CHRNA10: variants seen among roughly 807,000 people sequenced by gnomAD.
CHRNA10 encodes neuronal acetylcholine receptor subunit alpha-10.
A neutral mutation model predicts 36.0 loss-of-function variants in CHRNA10; 31 were observed. That is an observed-to-expected ratio of 0.86 (90% CI 0.65 to 1.16). The LOEUF is 1.16. Ranked by LOEUF, CHRNA10 falls within the 50% of genes most tolerant of loss-of-function variation. The probability of loss-of-function intolerance (pLI) is 0.00; values close to 1 mark genes in which losing one functional copy is unlikely to be tolerated. For synonymous variants in CHRNA10, 302 were observed against 287.0 expected, an observed-to-expected ratio of 1.05 and a Z score of -0.53; for missense variants, 648 against 640.9, an observed-to-expected ratio of 1.01 and a Z score of -0.12.
chr11:3,666,573 G>A lies in CHRNA10; in HGVS notation c.896-9C>T, dbSNP rs1344935388. 6.6e-7 allele frequency: 1 copy of A among 1,516,726 alleles called. No individual in the cohort carries two copies. The highest frequency in any genetic ancestry group is 2.2e-5 in the Admixed American group (1 of 45,092). The allele number at this position is 1,516,726 out of a possible 1,614,324, so 94.0% of individuals were successfully genotyped here. A position where few individuals can be genotyped will look rare whatever the true frequency, so the allele number is the denominator to read the frequency against. Reference sequence around the variant, plus strand: ...GGCCATGTAGTACTTCCCTGCAAGAGAGAGAGAAAGCCAATTGACTCAAAA... The same window carrying A: ...GGCCATGTAGTACTTCCCTGCAAGAAAGAGAGAAAGCCAATTGACTCAAAA... On this transcript the variant is annotated splice_polypyrimidine_tract_variant and intron_variant, in intron 4 of 4. Transcript: ENST00000250699.
chr11:3,669,994 C>T, intron 1 of CHRNA10, 53 bp from the exon 2 acceptor site: 2 of 1,594,084 alleles, frequency 1.3e-6, no homozygotes, highest in Admixed American at 1.7e-5. Flanking sequence ...CCCAGGGCCT[C>T]TGCTCACACC....
Position 3,671,287 on chromosome 11 carries a change from C to T in CHRNA10, c.26G>A (p.Ser9Asn), listed in dbSNP as rs377388068. The change falls in exon 1 of 5, where the codon AGC (serine) becomes AAC (asparagine). Residue 9 changes from serine (S) to asparagine (N), a missense_variant. Coordinates refer to ENST00000250699, the MANE Select transcript of CHRNA10 (RefSeq NM_020402.4). The stretch of plus-strand genomic sequence containing the variant: ...TAGAAACAGAAGCAGAAGGCCCAGG[C>T]TGAGGTGGTGGCTCCGGAGCCCCAT... The part of the protein sequence containing the change: MGLRSHHL[S>N]LGLLLLFLLP... 1 of 1,614,162 alleles carries T rather than the reference C, an allele frequency of 6.2e-7. No homozygotes were observed. Among genetic ancestry groups the T allele is most frequent in the Non-Finnish European group, 8.5e-7 (1 of 1,179,994 alleles).
intron 1 of CHRNA10, 25 bp downstream of exon 1, chr11:3,671,227 A>G: frequency 1.2e-6 from 2 of 1,611,320 alleles, no homozygotes; most frequent in Non-Finnish European, 8.5e-7. Context: ...AGGAGAGGCC[A>G]GGGCTGGTGT....
Position 3,666,110 on chromosome 11 carries a change from C to T in CHRNA10, c.1350G>A (p.Leu450=), listed in dbSNP as rs1179894394. The T allele has an allele frequency of 5.8e-6, 9 of 1,538,838 alleles. No individual in the cohort carries two copies. The Admixed American group carries it at 6.2e-5, about 11-fold the overall frequency. The change falls in exon 5 of 5, where the codon CTG becomes CTA. Residue 450 remains leucine, a synonymous_variant. Transcript: ENST00000250699. Reference sequence around the variant, plus strand: ...CCCTGTGACTTAGTCCCAGCCCTCACAGGGCCTGCACCAGCACCAGGAGGC... The same window carrying T: ...CCCTGTGACTTAGTCCCAGCCCTCATAGGGCCTGCACCAGCACCAGGAGGC... The part of the protein sequence containing the change: ...VMSLLVLVQA[L]
chr11:3,666,458 G>T lies in CHRNA10; in HGVS notation c.1002C>A (p.Ala334=), dbSNP rs2077662220. ...YCGPSVRPVP[A]WARALLLGHL... ...GTCCCAGCAGGAGGGCCCTAGCCCA[G>T]GCTGGCACTGGGCGGACACTGGGAC... The change falls in exon 5 of 5, where the codon GCC becomes GCA. Residue 334 remains alanine (A), a synonymous_variant. Coordinates refer to ENST00000250699, the MANE Select transcript of CHRNA10 (RefSeq NM_020402.4). The T allele has an allele frequency of 6.2e-7, 1 of 1,613,540 alleles. No individual in the cohort carries two copies. The highest frequency in any genetic ancestry group is 1.7e-5 in the Admixed American group (1 of 59,944).
In CHRNA10 at chr11:3,667,513, A is replaced by T. The variant is rs201153030; in HGVS notation, c.614T>A (p.Leu205Gln). 1.3e-6 allele frequency: 2 copies of T among 1,583,926 alleles called. No homozygotes were observed. Among genetic ancestry groups the T allele is most frequent in the East Asian group, 4.6e-5 (2 of 43,824 alleles). The change falls in exon 4 of 5, where the codon CTG becomes CAG. Residue 205 changes from leucine (L) to glutamine (Q), a missense_variant. Coordinates refer to ENST00000250699, the MANE Select transcript of CHRNA10 (RefSeq NM_020402.4). ...CACGCGCCGCCGCGCCGGCATGCCC[A>T]GCACGCGCCACTCCACGTTCTCCAC... ...DFVENVEWRV[L>Q]GMPARRRVLT...
At position 3,666,044 on chromosome 11, in the gene CHRNA10, C is replaced by T. The variant is rs1304752490; in HGVS notation, c.*63G>A. On this transcript the variant is annotated 3_prime_UTR_variant, in exon 5 of 5. Transcript: ENST00000250699. ...GCCCAAAGACCAGCAACCACTTGGC[C>T]GTGGCTGTCCCTTTCTGGAGGAGCT... is the stretch of plus-strand genomic sequence containing the variant. The T allele has an allele frequency of 7.0e-6, 10 of 1,420,698 alleles. No individual in the cohort carries two copies. The highest frequency in any genetic ancestry group is 2.8e-5 in the Admixed American group (1 of 35,964). 88.0% of individuals were successfully genotyped at this position (1,420,698 alleles called of 1,614,324 possible).
rs1366943266 is a variant in CHRNA10, at chr11:3,665,891, T to A, written c.*216A>T. The stretch of plus-strand genomic sequence containing the variant: ...TTGGCCTTTGTAGAGTTCCTCTTTT[T>A]TTTGGAATTAGGGGAGTGGCAGGCT... On this transcript the variant is annotated 3_prime_UTR_variant, in exon 5 of 5. Coordinates refer to ENST00000250699, the MANE Select transcript of CHRNA10 (RefSeq NM_020402.4). 2.1e-6 allele frequency: 1 copy of A among 482,048 alleles called. No individual in the cohort carries two copies. The highest frequency in any genetic ancestry group is 3.6e-6 in the Non-Finnish European group (1 of 276,176). 29.9% of individuals were successfully genotyped at this position (482,048 alleles called of 1,614,324 possible). A position where few individuals can be genotyped will look rare whatever the true frequency, so the allele number is the denominator to read the frequency against.
In CHRNA10 at chr11:3,669,550, A is replaced by G. The variant is rs539191673; in HGVS notation, c.208-200T>C. ...CTGCCCCTGTTTCCTCAGCAGGAATATGGGGTGAGAATCCCTGCTTAGCAG... is the reference window on the plus strand; with the variant it reads ...CTGCCCCTGTTTCCTCAGCAGGAATGTGGGGTGAGAATCCCTGCTTAGCAG... On this transcript the variant is annotated intron_variant, in intron 2 of 4. Transcript: ENST00000250699. Among the ~76,000 whole-genome samples the G allele has an allele frequency of 2.0e-3, 297 of 152,128 alleles. 4 individuals are homozygous for G. Among genetic ancestry groups the G allele is most frequent in the Middle Eastern group, 6.8e-3 (2 of 294 alleles).
At chr11:3,666,879 C>G (rs1415748163) in intron 4 of CHRNA10, among the ~76,000 whole-genome samples, 1 of 152,122 alleles carries the variant, frequency 6.6e-6, no homozygotes, top group African/African-American at 2.4e-5. Flanking sequence ...CCTTTTTGTA[C>G]AAATGGGATA....
At chr11:3,669,068 TG>T in intron 3 of CHRNA10, 127 bp downstream of exon 3, 1 of 1,086,080 alleles carries the variant, frequency 9.2e-7, no homozygotes, top group Non-Finnish European at 1.3e-6. Flanking sequence ...AGAAGGGTCC[TG>T]GGGAAAAGCT....
intron 1 of CHRNA10, among the ~76,000 whole-genome samples, chr11:3,670,251 A>G (rs1364882115): frequency 6.6e-6 from 1 of 152,210 alleles, no homozygotes; most frequent in African/African-American, 2.4e-5. Flanking sequence ...ATAAGCCACA[A>G]GAGTCCAGAC....
intron 3 of CHRNA10, among the ~76,000 whole-genome samples, chr11:3,668,150 A>C (rs1250115714): frequency 6.6e-6 from 1 of 152,218 alleles, no homozygotes; most frequent in East Asian, 1.9e-4. Context: ...AAGGCCCCTA[A>C]GTCACTGCCT....
chr11:3,669,468 T>A, intron 2 of CHRNA10, 118 bp from the exon 3 acceptor site: 1 of 1,299,858 alleles, frequency 7.7e-7, no homozygotes, highest in Non-Finnish European at 1.1e-6. Context: ...GTCCATACCG[T>A]CCAGTTCCCA....
chr11:3,669,393 C>T (rs370874682), intron 2 of CHRNA10, 43 bp from the exon 3 acceptor site: 30 of 1,596,224 alleles, frequency 1.9e-5, no homozygotes, highest in Non-Finnish European at 2.4e-5. Flanking sequence ...CATGTATATG[C>T]ATATCCTGCC....
chr11:3,667,386 G>T lies in CHRNA10; in HGVS notation c.741C>A (p.Cys247Ter). The T allele has an allele frequency of 1.2e-6, 2 of 1,601,500 alleles. No homozygotes were observed. Residue 247 changes from cysteine (C) to a stop codon, truncating the protein, a stop_gained, in exon 4 of 5, where the codon TGC becomes TGA. Coordinates refer to ENST00000250699, the MANE Select transcript of CHRNA10 (RefSeq NM_020402.4). LOFTEE classifies it high-confidence loss of function. ...AAYVCNLLLP[C>*]VLISLLAPLA... ...GCGGCGCAAGCAGCGAGATGAGCAC[G>T]CAGGGCAGCAGCAGGTTGCACACGT... is the stretch of plus-strand genomic sequence containing the variant.
chr11:3,667,756 G>A lies in CHRNA10; in HGVS notation c.371C>T (p.Ala124Val), dbSNP rs771933661. 25 of 1,537,024 alleles carry A rather than the reference G, an allele frequency of 1.6e-5. No homozygotes were observed. In the South Asian group the frequency reaches 2.8e-4, roughly 17 times the overall value. Residue 124 changes from alanine (A) to valine (V), a missense_variant, in exon 4 of 5, where the codon GCG (alanine) becomes GTG (valine). Transcript: ENST00000250699. ...GGTGCTGGCGGAACCTGGAGGCTGC[G>A]CGTCGGCTCTGGGGGCAGGCGGGGC... ...PDIVLYNKAD[A>V]QPPGSASTNV...
chr11:3,670,784 T>C (rs1423161611), intron 1 of CHRNA10, among the ~76,000 whole-genome samples: 1 of 152,230 alleles, frequency 6.6e-6, no homozygotes, highest in Non-Finnish European at 1.5e-5. Context: ...CTCCAGATTT[T>C]GCGAAACATC....
In CHRNA10 at chr11:3,665,898, A is replaced by AT. The variant is rs571785236; in HGVS notation, c.*208dup. Reference sequence around the variant, plus strand: ...TTGTAGAGTTCCTCTTTTTTTTGGAATTAGGGGAGTGGCAGGCTCTGGACT... The same window carrying AT: ...TTGTAGAGTTCCTCTTTTTTTTGGAATTTAGGGGAGTGGCAGGCTCTGGACT... On this transcript the variant is annotated 3_prime_UTR_variant, in exon 5 of 5. Coordinates refer to ENST00000250699, the MANE Select transcript of CHRNA10 (RefSeq NM_020402.4). The AT allele has an allele frequency of 4.6e-4, 224 of 484,364 alleles. 1 individual carries two copies. Among genetic ancestry groups the AT allele is most frequent in the Middle Eastern group, 4.2e-3 (8 of 1,898 alleles). 30.0% of individuals were successfully genotyped at this position (484,364 alleles called of 1,614,324 possible).
Sources: allele counts gnomAD v4.1 joint callset (sites outside exome capture counted in the v4.1 genomes callset), GRCh38; gene constraint gnomAD v4.1.1; transcripts MANE v1.5; gene names NCBI Gene and HGNC (gene_info 2026-07-23, HGNC 2026-07-21).